SEL1L: variants seen among roughly 807,000 people sequenced by gnomAD.
SEL1L encodes protein sel-1 homolog 1.
A neutral mutation model predicts 109.8 loss-of-function variants in SEL1L; 52 were observed. The observed-to-expected ratio is 0.47, with a 90% CI of 0.38 to 0.60. The LOEUF is 0.60. Among genes scored for constraint, SEL1L ranks in the 20% least tolerant of loss-of-function variants. The pLI, the probability that SEL1L is intolerant of heterozygous loss-of-function variation, is 0.00. For synonymous variants in SEL1L, 373 were observed against 339.6 expected (o/e 1.10, Z -1.08); for missense variants, 749 against 962.2 (o/e 0.78, Z 2.93).
intron 20 of SEL1L, 122 bp from the exon 21 acceptor site, chr14:81,477,303 A>ATGTG (rs10690579): frequency 0.062 from 33,507 of 537,490 alleles, 1,034 homozygotes; most frequent in East Asian, 0.19. Context: ...ACGTTTTGCA[A>ATGTG]TGTGTGTGTG....
At chr14:81,527,438 T>TACACAC (rs67777470) in intron 2 of SEL1L, among the ~76,000 whole-genome samples, 5,068 of 146,700 alleles carry the variant, frequency 0.035, 85 homozygotes, top group Non-Finnish European at 0.042. Flanking sequence ...TCTTCAAACT[T>TACACAC]ACACACACAC....
chr14:81,496,105 C>T (rs1219450891), intron 10 of SEL1L, among the ~76,000 whole-genome samples: 3 of 151,974 alleles, frequency 2.0e-5, no homozygotes, highest in Non-Finnish European at 4.4e-5. Context: ...GGGCAGATCA[C>T]GAGGTCAGGA....
At chr14:81,489,880 T>C (rs1883474455) in intron 13 of SEL1L, among the ~76,000 whole-genome samples, 1 of 152,190 alleles carries the variant, frequency 6.6e-6, no homozygotes, top group South Asian at 2.1e-4. Flanking sequence ...TTTAAAAAGA[T>C]TGTCATAGCA....
At chr14:81,478,187 C>T (rs1903228796) in intron 20 of SEL1L, among the ~76,000 whole-genome samples, 1 of 151,962 alleles carries the variant, frequency 6.6e-6, no homozygotes, top group Non-Finnish European at 1.5e-5. Context: ...TTTGAAAGAT[C>T]TCTATAACAC....
chr14:81,513,107 T>C (rs1884553941), intron 3 of SEL1L, among the ~76,000 whole-genome samples: 1 of 152,122 alleles, frequency 6.6e-6, no homozygotes, highest in Non-Finnish European at 1.5e-5. Context: ...CAGCACTCTG[T>C]AAGAACGCAC....
rs192206283 is a variant in SEL1L, at chr14:81,492,646, G to A, written c.1186-98C>T. On this transcript the variant is annotated intron_variant, in intron 11 of 20. Coordinates refer to ENST00000336735, the MANE Select transcript of SEL1L (RefSeq NM_005065.6). Reference sequence around the variant, plus strand: ...ATTTCAGGAACATTTAAAAAATCTTGTTATATTACAGTGCTTTAAAAACAA... The same window carrying A: ...ATTTCAGGAACATTTAAAAAATCTTATTATATTACAGTGCTTTAAAAACAA... 2,083 of 816,110 alleles carry A rather than the reference G, an allele frequency of 2.6e-3. 18 individuals carry two copies. Among genetic ancestry groups the A allele is most frequent in the Middle Eastern group, 0.014 (40 of 2,778 alleles). The allele number at this position is 816,110 out of a possible 1,614,324, so 50.6% of individuals were successfully genotyped here. A position where few individuals can be genotyped will look rare whatever the true frequency, so the allele number is the denominator to read the frequency against.
At chr14:81,482,159 GC>G (rs753135167) in intron 19 of SEL1L, among the ~76,000 whole-genome samples, 96 of 151,878 alleles carry the variant, frequency 6.3e-4, no homozygotes, top group Non-Finnish European at 1.3e-3. Flanking sequence ...GGAGTACTAT[GC>G]CTTTTATCAT....
chr14:81,533,725 A>G lies in SEL1L; in HGVS notation c.20T>C (p.Leu7Pro). 1 of 1,613,614 alleles carries G rather than the reference A, an allele frequency of 6.2e-7. No homozygotes were observed. The highest frequency in any genetic ancestry group is 8.5e-7 in the Non-Finnish European group (1 of 1,179,856). The change falls in exon 1 of 21, where the codon CTG becomes CCG. Residue 7 changes from leucine (L) to proline (P), a missense_variant. Around this residue, in one of 2 missense-constraint regions of SEL1L, gnomAD observed 366 missense variants for 399.8 expected, o/e 0.92. Transcript: ENST00000336735. ...CAGCACCGCACACAGCAGCAGCGTC[A>G]GCCCTATCCGGACCCGCATCCTCCT... MRVRIG[L>P]TLLLCAVLLS...
At chr14:81,489,715 A>T (rs1883468302) in intron 13 of SEL1L, among the ~76,000 whole-genome samples, 1 of 152,232 alleles carries the variant, frequency 6.6e-6, no homozygotes, top group African/African-American at 2.4e-5. Flanking sequence ...ACCTTGTAAT[A>T]ATAGCATAAT....
chr14:81,471,939 TA>T lies in SEL1L; in HGVS notation c.*5032del, dbSNP rs1028031734. 5 of 152,356 alleles carry T rather than the reference TA, an allele frequency of 3.3e-5. No homozygotes were observed. Among genetic ancestry groups the T allele is most frequent in the Admixed American group, 1.3e-4 (2 of 15,304 alleles). 9.4% of individuals were successfully genotyped at this position (152,356 alleles called of 1,614,324 possible). A position where few individuals can be genotyped will look rare whatever the true frequency, so the allele number is the denominator to read the frequency against. ...TATTCGTAAAAAAATACCCAAAAAG[TA>T]AAAACTTTCCTTTTTATTTTTCGTA... On this transcript the variant is annotated 3_prime_UTR_variant, in exon 21 of 21. Coordinates refer to ENST00000336735, the MANE Select transcript of SEL1L (RefSeq NM_005065.6).
chr14:81,475,638 A>G lies in SEL1L; in HGVS notation c.*1334T>C, dbSNP rs768530107. The stretch of plus-strand genomic sequence containing the variant: ...AGGCTGGTGAACACCACCATCTGAC[A>G]ATAAAATGAAATACAAATTCAGTTT... On this transcript the variant is annotated 3_prime_UTR_variant, in exon 21 of 21. Coordinates refer to ENST00000336735, the MANE Select transcript of SEL1L (RefSeq NM_005065.6). 9 of 152,222 alleles carry G rather than the reference A, an allele frequency of 5.9e-5. No homozygotes were observed. Among genetic ancestry groups the G allele is most frequent in the South Asian group, 2.1e-4 (1 of 4,832 alleles). 9.4% of individuals were successfully genotyped at this position (152,222 alleles called of 1,614,324 possible).
rs906172110 is a variant in SEL1L, at chr14:81,476,782, G to T, written c.*190C>A. On this transcript the variant is annotated 3_prime_UTR_variant, in exon 21 of 21. Coordinates refer to ENST00000336735, the MANE Select transcript of SEL1L (RefSeq NM_005065.6). ...GGCACTGAAACAAACATTCAGCTCA[G>T]TTTAGGTAAGAGTTACTTATCCCTG... 6 of 586,282 alleles carry T rather than the reference G, an allele frequency of 1.0e-5. No individual in the cohort carries two copies. Among genetic ancestry groups the T allele is most frequent in the African/African-American group, 7.4e-5 (4 of 53,868 alleles). 36.3% of individuals were successfully genotyped at this position (586,282 alleles called of 1,614,324 possible).
chr14:81,487,270 C>G, intron 16 of SEL1L, 120 bp downstream of exon 16: 1 of 914,524 alleles, frequency 1.1e-6, no homozygotes, highest in South Asian at 2.0e-5. Flanking sequence ...TATATCAAAG[C>G]TAGGTAGGCT....
At position 81,476,957 on chromosome 14, in the gene SEL1L, T is replaced by G. The variant is rs757790933; in HGVS notation, c.*15A>C. 6.2e-6 allele frequency: 10 copies of G among 1,613,674 alleles called. No homozygotes were observed. Among genetic ancestry groups the G allele is most frequent in the Non-Finnish European group, 8.5e-6 (10 of 1,179,774 alleles). On this transcript the variant is annotated 3_prime_UTR_variant, in exon 21 of 21. Coordinates refer to ENST00000336735, the MANE Select transcript of SEL1L (RefSeq NM_005065.6). ...TTCCTTCGCTGTCACTGATCAAGGC[T>G]GGACCCAGTGCCTATTACTGTGGTG...
rs772263123 is a variant in SEL1L, at chr14:81,489,364, A to G, written c.1333-50T>C. 2.8e-6 allele frequency: 4 copies of G among 1,409,570 alleles called. No individual in the cohort carries two copies. In the South Asian group the frequency reaches 4.6e-5, roughly 16 times the overall value. The allele number at this position is 1,409,570 out of a possible 1,614,324, so 87.3% of individuals were successfully genotyped here. A position where few individuals can be genotyped will look rare whatever the true frequency, so the allele number is the denominator to read the frequency against. ...AAGAGTGAAAAGAATTCATTCAAAA[A>G]TAGGCAAGAATAAATAACTGCAAAA... On this transcript the variant is annotated intron_variant, in intron 13 of 20. Coordinates refer to ENST00000336735, the MANE Select transcript of SEL1L (RefSeq NM_005065.6).
chr14:81,473,277 A>C lies in SEL1L; in HGVS notation c.*3695T>G, dbSNP rs1429903891. On this transcript the variant is annotated 3_prime_UTR_variant, in exon 21 of 21. Coordinates refer to ENST00000336735, the MANE Select transcript of SEL1L (RefSeq NM_005065.6). Reference sequence around the variant, plus strand: ...GTGAGATGATTCCCTGCACATAACCAAGGAATCCTTTTCATGCACACAACA... The same window carrying C: ...GTGAGATGATTCCCTGCACATAACCCAGGAATCCTTTTCATGCACACAACA... 1 of 152,192 alleles carries C rather than the reference A, an allele frequency of 6.6e-6. No individual in the cohort carries two copies. The highest frequency in any genetic ancestry group is 2.4e-5 in the African/African-American group (1 of 41,456). 9.4% of individuals were successfully genotyped at this position (152,192 alleles called of 1,614,324 possible).
At chr14:81,478,731 A>C (rs773877177) in intron 20 of SEL1L, among the ~76,000 whole-genome samples, 29 of 152,342 alleles carry the variant, frequency 1.9e-4, no homozygotes, top group Middle Eastern at 3.4e-3. Flanking sequence ...TCTGTGGAGG[A>C]CTTCAGCTGC....
At chr14:81,518,050 C>A (rs546193307) in intron 3 of SEL1L, among the ~76,000 whole-genome samples, 1 of 152,052 alleles carries the variant, frequency 6.6e-6, no homozygotes, top group Admixed American at 6.5e-5. Context: ...TGCCACCATA[C>A]CTAGCTAATT....
In SEL1L at chr14:81,476,485, CTT is replaced by C. The variant is rs565823864; in HGVS notation, c.*485_*486del. On this transcript the variant is annotated 3_prime_UTR_variant, in exon 21 of 21. Coordinates refer to ENST00000336735, the MANE Select transcript of SEL1L (RefSeq NM_005065.6). Reference sequence around the variant, plus strand: ...CAGTTCCAAAACATTTTCAAGATAGCTTTTTTTTTTTTTAACTTAAAAGGCAA... The same window carrying C: ...CAGTTCCAAAACATTTTCAAGATAGCTTTTTTTTTTTAACTTAAAAGGCAA... The C allele has an allele frequency of 0.046, 6,657 of 146,042 alleles. 481 individuals carry two copies. The highest frequency in any genetic ancestry group is 0.16 in the African/African-American group (6,339 of 40,190). The allele number at this position is 146,042 out of a possible 1,614,324, so 9.0% of individuals were successfully genotyped here.
Sources: gnomAD v4.1 joint callset for allele counts (sites outside exome capture counted in the v4.1 genomes callset) on GRCh38, gnomAD v4.1.1 for gene constraint, gnomAD v4.1.1 regional missense constraint, MANE v1.5 for transcripts, NCBI Gene and HGNC (gene_info 2026-07-23, HGNC 2026-07-21) for gene names.